Variants in TLN2 observed in about 807,000 individuals in gnomAD.
TLN2 encodes talin 2, also known as talin-2.
In TLN2, 118 loss-of-function variants were observed where a neutral mutation model predicts 294.7. The ratio of observed to expected loss-of-function variants is 0.40; its 90% CI spans 0.34 to 0.47. The LOEUF is 0.47. TLN2 is among the 20% of genes least tolerant of loss of function. The pLI, the probability that TLN2 is intolerant of heterozygous loss-of-function variation, is 0.84. For missense variants in TLN2, 3,083 were observed against 3,282.2 expected, an observed-to-expected ratio of 0.94 and a Z score of 1.48; for synonymous variants, 1,431 against 1,304.5, an observed-to-expected ratio of 1.10 and a Z score of -2.09.
intron 1 of TLN2, among the ~76,000 whole-genome samples, chr15:62,415,816 C>A (rs887643978): frequency 2.6e-5 from 4 of 152,170 alleles, no homozygotes; most frequent in Non-Finnish European, 4.4e-5. Flanking sequence ...CAGAGGTCCA[C>A]GTGTCAAGTT....
chr15:62,407,603 C>G (rs2033483361), intron 1 of TLN2, among the ~76,000 whole-genome samples: 1 of 152,114 alleles, frequency 6.6e-6, no homozygotes, highest in Non-Finnish European at 1.5e-5. Flanking sequence ...GCGTCGGAAT[C>G]CCTAGGAGAT....
At position 62,792,804 on chromosome 15, in the gene TLN2, A is replaced by C; in HGVS notation, c.5883+17A>C. 1 of 1,613,368 alleles carries C rather than the reference A, an allele frequency of 6.2e-7. No individual in the cohort carries two copies. Among genetic ancestry groups the C allele is most frequent in the Non-Finnish European group, 8.5e-7 (1 of 1,179,820 alleles). On this transcript the variant is annotated intron_variant, in intron 46 of 58. Coordinates refer to ENST00000636159, the MANE Select transcript of TLN2 (RefSeq NM_015059.3). ...ACGGAAAAGGTAAGGAGCAGCCCTC[A>C]GTTTAGAGTCACAAGAACCTGCGCT...
In TLN2 at chr15:62,776,845, G is replaced by A. The variant is rs766298325; in HGVS notation, c.5449G>A (p.Glu1817Lys). ...GGATGACATCATGGTGACGCTGAAC[G>A]AAGCTGCCAGTGAAGTGGGGCTGGT... The part of the protein sequence containing the change: ...AVDDIMVTLN[E>K]AASEVGLVGG... The change falls in exon 43 of 59, where the codon GAA becomes AAA. Residue 1817 changes from glutamate to lysine, a missense_variant. By Grantham distance (56) the Glu-to-Lys change is moderately conservative (BLOSUM62 1). Coordinates refer to ENST00000636159, the MANE Select transcript of TLN2 (RefSeq NM_015059.3). 5.0e-6 allele frequency: 8 copies of A among 1,602,008 alleles called. No individual in the cohort carries two copies. The Admixed American group carries it at 5.1e-5, about 10-fold the overall frequency.
chr15:62,438,427 G>A (rs1260838691), intron 1 of TLN2, among the ~76,000 whole-genome samples: 1 of 152,164 alleles, frequency 6.6e-6, no homozygotes, highest in Non-Finnish European at 1.5e-5. Context: ...ATTCCCCTCT[G>A]TAGATGGAAG....
chr15:62,404,254 G>T (rs1424975224), intron 1 of TLN2, among the ~76,000 whole-genome samples: 1 of 152,226 alleles, frequency 6.6e-6, no homozygotes, highest in Non-Finnish European at 1.5e-5. Flanking sequence ...GAGGACAGCT[G>T]GATGGAGACA....
At chr15:62,491,222 TGAGGCAGGAGA>T (rs1313568231) in intron 1 of TLN2, among the ~76,000 whole-genome samples, 2 of 151,756 alleles carry the variant, frequency 1.3e-5, no homozygotes. Context: ...CTTGGGAGGC[TGAGGCAGGAGA>T]ATCATGTTGC....
chr15:62,464,928 G>C (rs551204456), intron 1 of TLN2, among the ~76,000 whole-genome samples: 38 of 152,096 alleles, frequency 2.5e-4, no homozygotes, highest in African/African-American at 9.2e-4. Context: ...TACTTGCTGA[G>C]AGGAAACTTT....
chr15:62,672,321 ATTTT>A (rs1404263599), intron 9 of TLN2, among the ~76,000 whole-genome samples: 2 of 152,130 alleles, frequency 1.3e-5, no homozygotes, highest in African/African-American at 4.8e-5. Context: ...GTGACCAATG[ATTTT>A]TTAAAAAAAT....
intron 20 of TLN2, 88 bp from the exon 21 acceptor site, chr15:62,708,414 G>C (rs2059205238): frequency 2.1e-6 from 3 of 1,413,030 alleles, no homozygotes; most frequent in East Asian, 4.6e-5. Flanking sequence ...GCCCAGAGCA[G>C]GAAGGGCTTT....
chr15:62,669,322 T>A (rs79981969), intron 9 of TLN2, among the ~76,000 whole-genome samples: 1,556 of 152,310 alleles, frequency 0.01, 32 homozygotes, highest in African/African-American at 0.035. Flanking sequence ...ACAAATACAG[T>A]GGACTTGACC....
rs761256527 is a variant in TLN2, at chr15:62,819,557, C to G, written c.6813C>G (p.Ala2271=). The G allele has an allele frequency of 5.0e-6, 8 of 1,613,816 alleles. No homozygotes were observed. The highest frequency in any genetic ancestry group is 6.8e-6 in the Non-Finnish European group (8 of 1,180,022). The part of the protein sequence containing the change: ...KPTPEFKQQL[A]AFSKRVAGAV... ...CCCCAGAATTCAAGCAGCAGCTGGCCGCTTTCTCCAAGCGAGTCGCCGGCG... is the reference window on the plus strand; with the variant it reads ...CCCCAGAATTCAAGCAGCAGCTGGCGGCTTTCTCCAAGCGAGTCGCCGGCG... Residue 2271 remains alanine, a synonymous_variant, in exon 53 of 59, where the codon GCC becomes GCG. Transcript: ENST00000636159.
chr15:62,441,582 C>A (rs1310585568), intron 1 of TLN2, among the ~76,000 whole-genome samples: 1 of 152,220 alleles, frequency 6.6e-6, no homozygotes, highest in Admixed American at 6.5e-5. Flanking sequence ...AATTCTCCGG[C>A]AGATTCTTCA....
At chr15:62,588,543 A>T (rs2045815425) in intron 1 of TLN2, among the ~76,000 whole-genome samples, 1 of 151,170 alleles carries the variant, frequency 6.6e-6, no homozygotes, top group East Asian at 2.0e-4. Context: ...GAAGCAGGAG[A>T]GTTGCTTGGA....
At chr15:62,725,375 A>AATGAG (rs2060381200) in intron 27 of TLN2, among the ~76,000 whole-genome samples, 1 of 152,178 alleles carries the variant, frequency 6.6e-6, no homozygotes, top group South Asian at 2.1e-4. Context: ...AGTGGGTAGC[A>AATGAG]ATGAGGCTAT....
Position 62,738,379 on chromosome 15 carries a change from G to A in TLN2, c.3687+46G>A, listed in dbSNP as rs143841363. 1.4e-4 allele frequency: 219 copies of A among 1,597,684 alleles called. No homozygotes were observed. In the African/African-American group the frequency reaches 2.5e-3, roughly 18 times the overall value. On this transcript the variant is annotated intron_variant, in intron 30 of 58. Transcript: ENST00000636159. ...GAAAGGACACTGGGGGACTAGGCTC[G>A]CGTTAGGTGTGAGTGAAGTCTTCTT...
At chr15:62,796,967 G>A (rs1231470567) in intron 47 of TLN2, among the ~76,000 whole-genome samples, 2 of 152,178 alleles carry the variant, frequency 1.3e-5, no homozygotes. Context: ...AGGTTGGTGG[G>A]CCTGACTCTT....
At chr15:62,795,000 T>G (rs1011093545) in intron 46 of TLN2, among the ~76,000 whole-genome samples, 1 of 152,134 alleles carries the variant, frequency 6.6e-6, no homozygotes, top group Non-Finnish European at 1.5e-5. Context: ...GCCTGACACA[T>G]GCGATTTACA....
At position 62,515,958 on chromosome 15, in the gene TLN2, A is replaced by G. The variant is rs570698346; in HGVS notation, c.-237-73729A>G. Among the ~76,000 whole-genome samples, 235 of 152,306 alleles carry G rather than the reference A, an allele frequency of 1.5e-3. 2 individuals carry two copies. The highest frequency in any genetic ancestry group is 2.9e-3 in the Admixed American group (45 of 15,294). Reference sequence around the variant, plus strand: ...CTGCTGCTGAACCCCCTATGCAACAAGATCCTGGGTGGGGAAGGGCAGCTC... The same window carrying G: ...CTGCTGCTGAACCCCCTATGCAACAGGATCCTGGGTGGGGAAGGGCAGCTC... On this transcript the variant is annotated intron_variant, in intron 1 of 58. Transcript: ENST00000636159.
At chr15:62,604,136 T>A (rs2047219839) in intron 2 of TLN2, among the ~76,000 whole-genome samples, 1 of 152,216 alleles carries the variant, frequency 6.6e-6, no homozygotes, top group Admixed American at 6.5e-5. Flanking sequence ...AAAACCATTC[T>A]TAGCTTTTGA....
Sources: gnomAD v4.1 joint callset for allele counts (sites outside exome capture counted in the v4.1 genomes callset) on GRCh38, gnomAD v4.1.1 for gene constraint, MANE v1.5 for transcripts, NCBI Gene and HGNC (gene_info 2026-07-23, HGNC 2026-07-21) for gene names.